Variants in DNAH10 observed in about 807,000 individuals in gnomAD.
DNAH10 encodes the protein axonemal beta dynein heavy chain 10.
In DNAH10, 348 loss-of-function variants were observed where a neutral mutation model predicts 506.6. That is an observed-to-expected ratio of 0.69 (90% CI 0.63 to 0.75). The LOEUF is 0.75. Ranked by LOEUF, DNAH10 falls within the 30% of genes least tolerant of loss-of-function variation. The pLI is 0.00. For synonymous variants in DNAH10, 2,059 were observed against 2,198.6 expected (o/e 0.94, Z 1.78); for missense variants, 5,179 against 5,787.1 (o/e 0.89, Z 3.41).
chr12:123,836,965 G>C, intron 28 of DNAH10, among the ~76,000 whole-genome samples: 1 of 99,542 alleles, frequency 1.0e-5, no homozygotes, highest in South Asian at 2.6e-4. Context: ...CTGTTCTCCT[G>C]CCTCAGCCTC....
intron 52 of DNAH10, 74 bp from the exon 53 acceptor site, chr12:123,893,159 A>G: frequency 1.4e-6 from 2 of 1,454,016 alleles, no homozygotes; most frequent in East Asian, 2.4e-5. Flanking sequence ...CACACCTTCC[A>G]TCACTCAGTC....
chr12:123,933,578 C>T, intron 77 of DNAH10, 67 bp downstream of exon 77: 1 of 1,509,072 alleles, frequency 6.6e-7, no homozygotes, highest in Non-Finnish European at 8.9e-7. Context: ...CCACCTCCAA[C>T]TCAAAGGGAC....
intron 35 of DNAH10, among the ~76,000 whole-genome samples, chr12:123,851,514 A>C (rs1951176795): frequency 6.6e-6 from 1 of 152,130 alleles, no homozygotes; most frequent in Non-Finnish European, 1.5e-5. Context: ...TGTAAGATGC[A>C]CAAGAGGTTG....
rs547197673 is a variant in DNAH10 at position 123,795,376 on chromosome 12, C to T, written c.1986+1264C>T. Among the ~76,000 whole-genome samples the T allele has an allele frequency of 4.6e-5, 7 of 152,180 alleles. No homozygotes were observed. The South Asian group carries it at 1.2e-3, about 27-fold the overall frequency. On this transcript the variant is annotated intron_variant, in intron 12 of 78. Coordinates refer to ENST00000673944, the MANE Select transcript of DNAH10 (RefSeq NM_001372106.1). Reference sequence around the variant, plus strand: ...GGTACTGGAGGTCAGAAGTTTGCCACGGGTGTCCCTGGGTTTAAATCGAGG... The same window carrying T: ...GGTACTGGAGGTCAGAAGTTTGCCATGGGTGTCCCTGGGTTTAAATCGAGG...
Position 123,881,721 on chromosome 12 carries a change from C to A in DNAH10, c.8731C>A (p.Arg2911Ser), listed in dbSNP as rs759567865. The A allele has an allele frequency of 2.1e-5, 32 of 1,549,164 alleles. No individual in the cohort carries two copies. Among genetic ancestry groups the A allele is most frequent in the Non-Finnish European group, 2.6e-5 (30 of 1,146,142 alleles). Reference protein sequence around the residue: ...EHLTRVHRIIRMDRGHALLVG... With the variant: ...EHLTRVHRIISMDRGHALLVG... ...TTTAACCCGGGTGCACCGTATCATC[C>A]GCATGGACCGCGGCCACGCCCTGCT... Residue 2911 changes from arginine (R) to serine (S), a missense_variant, in exon 51 of 79, where the codon CGC (arginine) becomes AGC (serine). Physicochemically the swap from Arg to Ser is moderately radical, Grantham distance 110. Coordinates refer to ENST00000673944, the MANE Select transcript of DNAH10 (RefSeq NM_001372106.1).
Position 123,803,843 on chromosome 12 carries a change from G to A in DNAH10, c.2779+18G>A. ...ACTCCCAGGTAGATCTGACTTCTGG[G>A]TTCTCCAGTTATGGAATTAATGAGA... On this transcript the variant is annotated intron_variant, in intron 17 of 78. Transcript: ENST00000673944. 1 of 1,600,752 alleles carries A rather than the reference G, an allele frequency of 6.2e-7. No homozygotes were observed. Among genetic ancestry groups the A allele is most frequent in the South Asian group, 1.1e-5 (1 of 88,282 alleles).
rs746670853 is a variant in DNAH10, at chr12:123,928,538, C to T, written c.12257C>T (p.Thr4086Met). ...PHPDFRLWLTTDPTKGFPIGI... is the reference protein window; with the variant it reads ...PHPDFRLWLTMDPTKGFPIGI... Reference sequence around the variant, plus strand: ...CCAGACTTCCGCCTGTGGCTCACCACGGACCCCACCAAGGGCTTCCCCATT... The same window carrying T: ...CCAGACTTCCGCCTGTGGCTCACCATGGACCCCACCAAGGGCTTCCCCATT... The change falls in exon 70 of 79, where the codon ACG becomes ATG. Residue 4086 changes from threonine to methionine, a missense_variant. By Grantham distance (81) the Thr-to-Met change is moderately conservative (BLOSUM62 -1). Transcript: ENST00000673944. This position sits in a 1 kb window ranked among gnomAD's most constrained non-coding sequence, Gnocchi z 4.9. 45 of 1,610,484 alleles carry T rather than the reference C, an allele frequency of 2.8e-5. No individual in the cohort carries two copies. Among genetic ancestry groups the T allele is most frequent in the East Asian group, 2.0e-4 (9 of 44,794 alleles).
chr12:123,835,145 A>C (rs1415676943), intron 27 of DNAH10, among the ~76,000 whole-genome samples: 1 of 152,126 alleles, frequency 6.6e-6, no homozygotes. Flanking sequence ...TCATAACTAG[A>C]AGTTTTCCTA....
At chr12:123,855,662 GTA>G (rs747780666) in intron 36 of DNAH10, among the ~76,000 whole-genome samples, 21 of 143,536 alleles carry the variant, frequency 1.5e-4, no homozygotes, top group African/African-American at 2.0e-4. Flanking sequence ...ATAATAAAAA[GTA>G]TATATATATA....
At position 123,926,507 on chromosome 12, in the gene DNAH10, C is replaced by A; in HGVS notation, c.11922-130C>A. 2.1e-6 allele frequency: 2 copies of A among 953,754 alleles called. No individual in the cohort carries two copies. Among genetic ancestry groups the A allele is most frequent in the Non-Finnish European group, 3.0e-6 (2 of 656,924 alleles). 59.1% of individuals were successfully genotyped at this position (953,754 alleles called of 1,614,324 possible). A position where few individuals can be genotyped will look rare whatever the true frequency, so the allele number is the denominator to read the frequency against. ...CTAGAATCTAAAACAGGGAAGACTG[C>A]AACGAGCTATCCCAGAGGAGTGGTC... On this transcript the variant is annotated intron_variant, in intron 68 of 78. Transcript: ENST00000673944. The surrounding 1 kb of genome is among the most constrained non-coding windows in gnomAD (Gnocchi z 4.1).
chr12:123,848,068 C>G lies in DNAH10; in HGVS notation c.5922C>G (p.Thr1974=). 1 of 1,613,808 alleles carries G rather than the reference C, an allele frequency of 6.2e-7. No individual in the cohort carries two copies. The highest frequency in any genetic ancestry group is 8.5e-7 in the Non-Finnish European group (1 of 1,179,780). The change falls in exon 33 of 79, where the codon ACC becomes ACG. Residue 1974 remains threonine, a synonymous_variant. Transcript: ENST00000673944. The part of the protein sequence containing the change: ...AKALGLLCVV[T]NCGEGMDYRA... ...CCTTGGGCTTGCTCTGTGTTGTCACCAACTGTGGCGAAGGCATGGATTACA... is the reference window on the plus strand; with the variant it reads ...CCTTGGGCTTGCTCTGTGTTGTCACGAACTGTGGCGAAGGCATGGATTACA...
chr12:123,840,865 C>A (rs1299335593), intron 29 of DNAH10, among the ~76,000 whole-genome samples: 1 of 152,144 alleles, frequency 6.6e-6, no homozygotes, highest in Non-Finnish European at 1.5e-5. Context: ...CCAAGCCCAC[C>A]TTGTTAAGTG....
chr12:123,844,575 C>T (rs186639756), intron 30 of DNAH10, among the ~76,000 whole-genome samples: 61 of 152,280 alleles, frequency 4.0e-4, no homozygotes, highest in African/African-American at 1.3e-3. Flanking sequence ...AATTCAAAAG[C>T]GTGTTACAAC....
chr12:123,786,118 G>A (rs1366040307), intron 9 of DNAH10, among the ~76,000 whole-genome samples, 182 bp downstream of exon 9: 2 of 152,064 alleles, frequency 1.3e-5, no homozygotes, highest in East Asian at 3.9e-4. Flanking sequence ...TTGGGAGGCC[G>A]AGGTGGCGGA....
chr12:123,857,467 C>G (rs956778130), intron 37 of DNAH10, among the ~76,000 whole-genome samples: 1 of 152,236 alleles, frequency 6.6e-6, no homozygotes, highest in African/African-American at 2.4e-5. Context: ...CAGTGGCTTA[C>G]GCCTGTAATC....
Position 123,804,979 on chromosome 12 carries a change from G to GCCT in DNAH10, c.2930_2932dup (p.Ser977dup). The GCCT allele has an allele frequency of 6.2e-7, 1 of 1,614,228 alleles. No homozygotes were observed. The highest frequency in any genetic ancestry group is 8.5e-7 in the Non-Finnish European group (1 of 1,180,050). On this transcript the variant is annotated inframe_insertion, in exon 18 of 79. Transcript: ENST00000673944. ...CAACACAGGCAAGGCCCCCAAGCTG[G>GCCT]CCTCCTACTACAAATACTGGGAAAA...
At chr12:123,781,450 G>A in intron 6 of DNAH10, 151 bp downstream of exon 6, 2 of 749,522 alleles carry the variant, frequency 2.7e-6, no homozygotes, top group Non-Finnish European at 2.1e-6. Context: ...GCTCAGGCTG[G>A]CAAAAATCAT....
chr12:123,870,172 C>G (rs367940777), intron 43 of DNAH10, among the ~76,000 whole-genome samples, 194 bp from the exon 44 acceptor site: 3 of 152,322 alleles, frequency 2.0e-5, no homozygotes, highest in African/African-American at 2.4e-5. Context: ...GCTCCAAATA[C>G]TTGGCATCTG....
chr12:123,844,938 C>A (rs1179427449), intron 30 of DNAH10, among the ~76,000 whole-genome samples: 1 of 152,084 alleles, frequency 6.6e-6, no homozygotes, highest in Non-Finnish European at 1.5e-5. Flanking sequence ...CCGTGCCCAG[C>A]CTGGAATATT....
Sources: allele counts gnomAD v4.1 joint callset (sites outside exome capture counted in the v4.1 genomes callset), GRCh38; gene constraint gnomAD v4.1.1; non-coding constraint Gnocchi (gnomAD v3.1); transcripts MANE v1.5; gene names NCBI Gene and HGNC (gene_info 2026-07-23, HGNC 2026-07-21).